The following AMOTL1 variants were observed in gnomAD, a reference collection of about 807,000 sequenced individuals.
AMOTL1 encodes angiomotin-like protein 1.
A neutral mutation model predicts 102.9 loss-of-function variants in AMOTL1; 45 were observed. The ratio of observed to expected loss-of-function variants is 0.44; its 90% CI spans 0.34 to 0.56. The LOEUF (loss-of-function observed/expected upper bound fraction) is 0.56, where lower values mean the gene tolerates loss of function less well. Among genes scored for constraint, AMOTL1 ranks in the 20% least tolerant of loss-of-function variants. AMOTL1 has a pLI of 0.01. For synonymous variants in AMOTL1, 481 were observed against 484.7 expected (o/e 0.99, Z 0.10); for missense variants, 1,114 against 1,225.6 (o/e 0.91, Z 1.36).
Position 94,871,621 on chromosome 11 carries a change from A to G in AMOTL1, c.*826A>G, listed in dbSNP as rs546679503. ...ACTGTGTTTGATAGTGACCAGTAGG[A>G]CAAAGCCACGTGCCGACTTCCTGGC... On this transcript the variant is annotated 3_prime_UTR_variant, in exon 13 of 13. Coordinates refer to ENST00000433060, the MANE Select transcript of AMOTL1 (RefSeq NM_130847.3). 5 of 152,318 alleles carry G rather than the reference A, an allele frequency of 3.3e-5. No homozygotes were observed. Among genetic ancestry groups the G allele is most frequent in the African/African-American group, 9.6e-5 (4 of 41,558 alleles). 9.4% of individuals were successfully genotyped at this position (152,318 alleles called of 1,614,324 possible).
chr11:94,830,912 A>G (rs1440762871), intron 5 of AMOTL1, among the ~76,000 whole-genome samples: 1 of 152,232 alleles, frequency 6.6e-6, no homozygotes, highest in Admixed American at 6.5e-5. Context: ...TCCAGTGAAT[A>G]CTTGTTGAGT....
chr11:94,814,222 A>G (rs1368586179), intron 3 of AMOTL1, among the ~76,000 whole-genome samples: 2 of 152,214 alleles, frequency 1.3e-5, no homozygotes, highest in African/African-American at 4.8e-5. Context: ...TGATGCCAGC[A>G]TACGTCATCA....
chr11:94,778,505 G>T (rs1951059467), intron 1 of AMOTL1, among the ~76,000 whole-genome samples: 1 of 152,160 alleles, frequency 6.6e-6, no homozygotes, highest in African/African-American at 2.4e-5. Context: ...CTGTCAAGTA[G>T]AATTTCCTCA....
chr11:94,842,297 A>G (rs1315046787), intron 6 of AMOTL1, among the ~76,000 whole-genome samples: 4 of 152,168 alleles, frequency 2.6e-5, no homozygotes, highest in Admixed American at 2.6e-4. Flanking sequence ...CTTAGTCACT[A>G]TGAAGAGGTC....
chr11:94,802,112 C>T (rs191744780), intron 3 of AMOTL1, among the ~76,000 whole-genome samples: 1 of 152,262 alleles, frequency 6.6e-6, no homozygotes, highest in East Asian at 1.9e-4. Flanking sequence ...GCAGCATAAC[C>T]AACTGTGAGA....
intron 3 of AMOTL1, among the ~76,000 whole-genome samples, chr11:94,759,151 C>A (rs1950762089): frequency 6.6e-6 from 1 of 152,144 alleles, no homozygotes; most frequent in Admixed American, 6.5e-5. Context: ...CTTTTTGTCA[C>A]TGGATTCACC....
chr11:94,793,109 G>A (rs1226403316), intron 1 of AMOTL1, among the ~76,000 whole-genome samples: 1 of 152,038 alleles, frequency 6.6e-6, no homozygotes, highest in Non-Finnish European at 1.5e-5. Context: ...TTGGACCTCA[G>A]TTTTATTATC....
intron 1 of AMOTL1, among the ~76,000 whole-genome samples, chr11:94,791,813 C>T (rs1591969166): frequency 6.6e-6 from 1 of 152,218 alleles, no homozygotes; most frequent in East Asian, 1.9e-4. Context: ...TTTCAGATAT[C>T]CTTGACCTTG....
At chr11:94,866,698 A>G (rs1473667003) in intron 11 of AMOTL1, 1 of 162,242 alleles carries the variant, frequency 6.2e-6, no homozygotes, top group Admixed American at 5.7e-5. Context: ...GCTTTACCCC[A>G]TGGGGCGTGG....
intron 1 of AMOTL1, among the ~76,000 whole-genome samples, chr11:94,778,066 T>G (rs552725889): frequency 1.3e-5 from 2 of 152,254 alleles, no homozygotes; most frequent in Non-Finnish European, 2.9e-5. Flanking sequence ...GGGTTCGTTC[T>G]GCTCTAAGAA....
exon 2 of AMOTL1, chr11:94,728,985 A>T: frequency 7.8e-7 from 1 of 1,289,126 alleles, no homozygotes; most frequent in Non-Finnish European, 1.0e-6. Flanking sequence ...ACCTCAGTGA[A>T]AAATGGACTT....
chr11:94,766,215 C>T (rs549637885), upstream of AMOTL1, among the ~76,000 whole-genome samples: 1 of 152,320 alleles, frequency 6.6e-6, no homozygotes, highest in East Asian at 1.9e-4. Context: ...CTCTGTCAAC[C>T]TCACCTATCA....
intron 3 of AMOTL1, among the ~76,000 whole-genome samples, chr11:94,748,556 C>G (rs1443404422): frequency 1.3e-5 from 2 of 152,196 alleles, no homozygotes; most frequent in Non-Finnish European, 2.9e-5. Flanking sequence ...ATAGGAAGCA[C>G]ATCTTAGTGG....
intron 5 of AMOTL1, among the ~76,000 whole-genome samples, 156 bp downstream of exon 5, chr11:94,830,350 C>T (rs1952046808): frequency 6.6e-6 from 1 of 152,166 alleles, no homozygotes. Flanking sequence ...GGAGGAGGTG[C>T]TCAAAAAGCA....
chr11:94,803,945 T>A (rs1331289545), intron 3 of AMOTL1, among the ~76,000 whole-genome samples: 2 of 152,240 alleles, frequency 1.3e-5, no homozygotes, highest in African/African-American at 4.8e-5. Context: ...TTTAGTATCC[T>A]CGCTTTTGAA....
Position 94,792,308 on chromosome 11 carries a change from C to T in AMOTL1, c.50-2703C>T, listed in dbSNP as rs138796529. ...ACACAGGATGGGGAACATCACACACCGGGGCCTGACACTGACATGGACTGG... is the reference window on the plus strand; with the variant it reads ...ACACAGGATGGGGAACATCACACACTGGGGCCTGACACTGACATGGACTGG... On this transcript the variant is annotated intron_variant, in intron 1 of 12. Transcript: ENST00000433060. Among the ~76,000 whole-genome samples, 366 of 152,204 alleles carry T rather than the reference C, an allele frequency of 2.4e-3. 3 individuals are homozygous for T. The highest frequency in any genetic ancestry group is 8.5e-3 in the African/African-American group (352 of 41,534).
At chr11:94,749,103 C>G (rs755635838) in intron 3 of AMOTL1, among the ~76,000 whole-genome samples, 12 of 152,190 alleles carry the variant, frequency 7.9e-5, no homozygotes, top group Non-Finnish European at 1.8e-4. Context: ...AGTCCCGTGA[C>G]AGGCTGTCTG....
At chr11:94,843,869 T>C (rs1397254859) in intron 6 of AMOTL1, among the ~76,000 whole-genome samples, 2 of 152,116 alleles carry the variant, frequency 1.3e-5, no homozygotes, top group African/African-American at 4.8e-5. Context: ...GCATTCCAGG[T>C]TAGGAAGCAT....
At chr11:94,712,566 A>C (rs954457524) in intron 1 of AMOTL1, among the ~76,000 whole-genome samples, 1 of 152,064 alleles carries the variant, frequency 6.6e-6, no homozygotes, top group Non-Finnish European at 1.5e-5. Context: ...GAATGGGAGA[A>C]AATAGTTTCA....
Sources: gnomAD v4.1 joint callset for allele counts (sites outside exome capture counted in the v4.1 genomes callset) on GRCh38, gnomAD v4.1.1 for gene constraint, MANE v1.5 for transcripts, NCBI Gene and HGNC (gene_info 2026-07-23, HGNC 2026-07-21) for gene names.